MYO10: variants seen among roughly 807,000 people sequenced by gnomAD.
The protein encoded by MYO10 is myosin X.
In MYO10, 133 loss-of-function variants were observed where a neutral mutation model predicts 257.3. That is an observed-to-expected ratio of 0.52 (90% CI 0.45 to 0.60). The LOEUF (loss-of-function observed/expected upper bound fraction) is 0.60. Ranked by LOEUF, MYO10 falls within the 20% of genes least tolerant of loss-of-function variation. The pLI, the probability that MYO10 is intolerant of heterozygous loss-of-function variation, is 0.00. For missense variants in MYO10, 2,399 were observed against 2,635.7 expected (o/e 0.91, Z 1.97); for synonymous variants, 1,104 against 1,028.6 (o/e 1.07, Z -1.40).
chr5:16,666,492 T>A lies in MYO10; in HGVS notation c.*200A>T, dbSNP rs1281245576. 1 of 547,502 alleles carries A rather than the reference T, an allele frequency of 1.8e-6. No homozygotes were observed. Among genetic ancestry groups the A allele is most frequent in the African/African-American group, 1.9e-5 (1 of 51,848 alleles). The allele number at this position is 547,502 out of a possible 1,614,324, so 33.9% of individuals were successfully genotyped here. ...GTAAAGCTTTGGAAACTGTGCAGAC[T>A]GTTAAAGTTGACAGCTTAATACAGG... On this transcript the variant is annotated 3_prime_UTR_variant, in exon 41 of 41. Transcript: ENST00000513610.
intron 15 of MYO10, 117 bp from the exon 16 acceptor site, chr5:16,762,230 GC>G (rs2126650419): frequency 7.6e-7 from 1 of 1,313,812 alleles, no homozygotes; most frequent in East Asian, 2.6e-5. Flanking sequence ...TTCCAAACTT[GC>G]CATGGATCTG....
rs922035469 is a variant in MYO10 at position 16,930,892 on chromosome 5, A to C, written c.21+4896T>G. On this transcript the variant is annotated intron_variant, in intron 1 of 40. Transcript: ENST00000513610. ...TTAATCCAGACTTCACCGGAGGCTC[A>C]TTCTTGAACGTCCCCTACTAGCTAG... Among the ~76,000 whole-genome samples, 7 of 152,330 alleles carry C rather than the reference A, an allele frequency of 4.6e-5. 1 individual carries two copies. The Middle Eastern group carries it at 0.024, about 518-fold the overall frequency.
rs75749012 is a variant in MYO10 at position 16,892,368 on chromosome 5, C to T, written c.22-14661G>A. Among the ~76,000 whole-genome samples, 864 of 152,270 alleles carry T rather than the reference C, an allele frequency of 5.7e-3. 4 individuals are homozygous for T. The highest frequency in any genetic ancestry group is 8.5e-3 in the Non-Finnish European group (581 of 68,032). On this transcript the variant is annotated intron_variant, in intron 1 of 40. Transcript: ENST00000513610. ...CTTCAAGCCATGGGGTTGCCGGGCA[C>T]GGTGGCTCACGACTGTAATCCCAGC...
chr5:16,747,159 T>A (rs1224855705), intron 19 of MYO10, among the ~76,000 whole-genome samples: 3 of 152,076 alleles, frequency 2.0e-5, no homozygotes, highest in Non-Finnish European at 4.4e-5. Context: ...GGGCTATGTC[T>A]AGAAGGGGTC....
chr5:16,715,102 A>AT (rs1454135387), intron 19 of MYO10, among the ~76,000 whole-genome samples: 1 of 149,110 alleles, frequency 6.7e-6, no homozygotes, highest in Non-Finnish European at 1.5e-5. Flanking sequence ...ACAAAAATAA[A>AT]TTAAAAAAAA....
chr5:16,682,200 C>A (rs187946129), intron 30 of MYO10, among the ~76,000 whole-genome samples, 187 bp from the exon 31 acceptor site: 3 of 152,186 alleles, frequency 2.0e-5, no homozygotes, highest in South Asian at 4.1e-4. Flanking sequence ...GCATCATTAA[C>A]CTTTAAACTT....
chr5:16,821,438 ATTTTCTTT>A (rs1742807730), intron 2 of MYO10, among the ~76,000 whole-genome samples: 3 of 73,240 alleles, frequency 4.1e-5, no homozygotes, highest in Non-Finnish European at 2.5e-5. Context: ...CTTTCCTCCT[ATTTTCTTT>A]TTTTTTTTTT....
In MYO10 at chr5:16,935,949, C is replaced by G; in HGVS notation, c.-141G>C. On this transcript the variant is annotated 5_prime_UTR_variant, in exon 1 of 41. Coordinates refer to ENST00000513610, the MANE Select transcript of MYO10 (RefSeq NM_012334.3). ...GCGGGGCTCCCCTGCTGCCATCGCC[C>G]GGTCCCTTCTTGTCCTTCTCACCTT... 1 of 1,004,606 alleles carries G rather than the reference C, an allele frequency of 1.0e-6. No individual in the cohort carries two copies. Among genetic ancestry groups the G allele is most frequent in the African/African-American group, 1.6e-5 (1 of 62,534 alleles). 62.2% of individuals were successfully genotyped at this position (1,004,606 alleles called of 1,614,324 possible).
intron 2 of MYO10, among the ~76,000 whole-genome samples, chr5:16,843,562 ACC>A (rs1267732360): frequency 1.3e-5 from 2 of 152,202 alleles, no homozygotes; most frequent in Non-Finnish European, 2.9e-5. Context: ...GCTACTGGGC[ACC>A]ATCACTATGT....
intron 19 of MYO10, among the ~76,000 whole-genome samples, chr5:16,733,177 C>A (rs1376698607): frequency 6.6e-6 from 1 of 152,066 alleles, no homozygotes; most frequent in African/African-American, 2.4e-5. Context: ...CAAAAATACA[C>A]ACACTCAGAA....
intron 2 of MYO10, among the ~76,000 whole-genome samples, chr5:16,836,182 C>A (rs974311763): frequency 6.6e-6 from 1 of 152,110 alleles, no homozygotes; most frequent in Non-Finnish European, 1.5e-5. Flanking sequence ...TCTGGAGATT[C>A]TTTCTTTCTG....
chr5:16,936,020 G>C lies in MYO10; in HGVS notation c.-212C>G. 1 of 602,782 alleles carries C rather than the reference G, an allele frequency of 1.7e-6. No individual in the cohort carries two copies. Among genetic ancestry groups the C allele is most frequent in the Non-Finnish European group, 2.9e-6 (1 of 339,200 alleles). The allele number at this position is 602,782 out of a possible 1,614,324, so 37.3% of individuals were successfully genotyped here. A position where few individuals can be genotyped will look rare whatever the true frequency, so the allele number is the denominator to read the frequency against. ...CCCTAACTCGCCCGTCCCGACGGCA[G>C]CCTTTGTCTCTTCTTCCTCCAAGTT... On this transcript the variant is annotated 5_prime_UTR_variant, in exon 1 of 41. Transcript: ENST00000513610.
chr5:16,893,274 A>G (rs1312606232), intron 1 of MYO10, among the ~76,000 whole-genome samples: 1 of 151,544 alleles, frequency 6.6e-6, no homozygotes, highest in Non-Finnish European at 1.5e-5. Context: ...GAAGAGGATG[A>G]GAAACATTTA....
rs56100688 is a variant in MYO10, at chr5:16,666,793, C to T, written c.6076G>A (p.Val2026Met). Residue 2026 changes from valine to methionine, a missense_variant and splice_region_variant, in exon 41 of 41, where the codon GTG becomes ATG. Val to Met is a conservative substitution (Grantham distance 21). Around this residue, in one of 3 missense-constraint regions of MYO10, gnomAD observed 1,820 missense variants for 1,939.4 expected, o/e 0.94. Transcript: ENST00000513610. ...ERELLFETSE[V>M]VDVAKLMKAY... ...TTCATGAGCTTGGCCACATCCACCACCTGCCCAGGGGGAAGCAGAACCGAC... is the reference window on the plus strand; with the variant it reads ...TTCATGAGCTTGGCCACATCCACCATCTGCCCAGGGGGAAGCAGAACCGAC... The T allele has an allele frequency of 6.3e-7, 1 of 1,597,192 alleles. No individual in the cohort carries two copies. Among genetic ancestry groups the T allele is most frequent in the African/African-American group, 1.3e-5 (1 of 74,796 alleles).
At chr5:16,900,587 C>A (rs370075368) in intron 1 of MYO10, among the ~76,000 whole-genome samples, 31 of 152,090 alleles carry the variant, frequency 2.0e-4, no homozygotes, top group African/African-American at 7.5e-4. Flanking sequence ...CCGATCCATC[C>A]GGTGACAATT....
intron 3 of MYO10, among the ~76,000 whole-genome samples, chr5:16,798,910 C>T (rs1398499807): frequency 6.6e-6 from 1 of 152,044 alleles, no homozygotes; most frequent in Admixed American, 6.6e-5. Context: ...GTGAAAGCCA[C>T]AGTCATGGGC....
chr5:16,916,734 T>A (rs373847434), intron 1 of MYO10, among the ~76,000 whole-genome samples: 9 of 152,080 alleles, frequency 5.9e-5, no homozygotes, highest in Admixed American at 6.5e-5. Context: ...TGATGAAAAT[T>A]AAGAAGAAAA....
Position 16,689,904 on chromosome 5 carries a change from G to A in MYO10, c.3816C>T (p.Asn1272=), listed in dbSNP as rs1019925511. ...EVRTAKEIID[N]TTKENGIDII... The stretch of plus-strand genomic sequence containing the variant: ...TGTCGATCCCATTCTCCTTGGTGGT[G>A]TTATCTATGATCTCTCTGCAAAGAA... The change falls in exon 28 of 41, where the codon AAC becomes AAT. Residue 1272 remains asparagine (N), a synonymous_variant. Transcript: ENST00000513610. 13 of 1,612,958 alleles carry A rather than the reference G, an allele frequency of 8.1e-6. No homozygotes were observed. The highest frequency in any genetic ancestry group is 1.6e-4 in the Middle Eastern group (1 of 6,084).
intron 3 of MYO10, among the ~76,000 whole-genome samples, chr5:16,806,042 T>A (rs1742266889): frequency 1.3e-5 from 2 of 152,192 alleles, no homozygotes; most frequent in Admixed American, 6.5e-5. Flanking sequence ...GCCAATAATT[T>A]TTTTTTAATC....
Sources: gnomAD v4.1 joint callset for allele counts (sites outside exome capture counted in the v4.1 genomes callset) on GRCh38, gnomAD v4.1.1 for gene constraint, gnomAD v4.1.1 regional missense constraint, MANE v1.5 for transcripts, NCBI Gene and HGNC (gene_info 2026-07-23, HGNC 2026-07-21) for gene names.